The following SEC14L5 variants were observed in gnomAD, a reference collection of about 807,000 sequenced individuals.
SEC14L5 encodes SEC14 like lipid binding 5, also known as SEC14-like protein 5.
SEC14L5 carries 96 observed loss-of-function variants against 84.6 expected under a neutral mutation model. The ratio of observed to expected loss-of-function variants is 1.13; its 90% CI spans 0.96 to 1.34. SEC14L5 has a LOEUF of 1.34. SEC14L5 is among the 40% of genes most tolerant of loss of function. The pLI is 0.00. For synonymous variants in SEC14L5, 546 were observed against 383.4 expected (o/e 1.42, Z -4.95); for missense variants, 1,224 against 942.5 (o/e 1.30, Z -3.91).
intron 6 of SEC14L5, 134 bp from the exon 7 acceptor site, chr16:4,996,214 G>T (rs913646478): frequency 8.4e-6 from 5 of 597,314 alleles, no homozygotes; most frequent in African/African-American, 5.6e-5. Context: ...CTGCTGTCTG[G>T]GGCGGGGGCT....
In SEC14L5 at chr16:5,016,240, G is replaced by A. The variant is rs1955873910; in HGVS notation, c.*1270G>A. On this transcript the variant is annotated 3_prime_UTR_variant, in exon 16 of 16. Transcript: ENST00000251170. ...GTTCCCCTAGTTACTACACAGGAGC[G>A]TCTTGGGTCTCCTTGGGGCCTGAGG... is the stretch of plus-strand genomic sequence containing the variant. 1 of 152,142 alleles carries A rather than the reference G, an allele frequency of 6.6e-6. No individual in the cohort carries two copies. The highest frequency in any genetic ancestry group is 6.5e-5 in the Admixed American group (1 of 15,272). 9.4% of individuals were successfully genotyped at this position (152,142 alleles called of 1,614,324 possible). A position where few individuals can be genotyped will look rare whatever the true frequency, so the allele number is the denominator to read the frequency against.
intron 2 of SEC14L5, among the ~76,000 whole-genome samples, chr16:4,960,343 A>C (rs1955107684): frequency 6.6e-6 from 1 of 152,284 alleles, no homozygotes; most frequent in South Asian, 2.1e-4. Context: ...GAAGTCTTGT[A>C]AATTAATGTA....
At chr16:4,967,986 C>G (rs886821848) in intron 2 of SEC14L5, among the ~76,000 whole-genome samples, 1 of 136,888 alleles carries the variant, frequency 7.3e-6, no homozygotes, top group Non-Finnish European at 1.6e-5. Flanking sequence ...CCTCCCCTCT[C>G]CTTCCCTTCC....
chr16:4,963,386 T>C (rs1955153174), intron 2 of SEC14L5, among the ~76,000 whole-genome samples: 2 of 152,116 alleles, frequency 1.3e-5, no homozygotes, highest in African/African-American at 4.8e-5. Context: ...CGCTTTGTCA[T>C]CTAGGTTGGA....
intron 15 of SEC14L5, 148 bp downstream of exon 15, chr16:5,011,421 CAGCCCCGCACT>C (rs1955802341): frequency 2.8e-6 from 2 of 725,226 alleles, no homozygotes; most frequent in Admixed American, 2.7e-5. Context: ...TCAGGTGACA[CAGCCCCGCACT>C]AGGGTGTGAG....
At chr16:4,986,906 A>C (rs1362463794) in intron 2 of SEC14L5, among the ~76,000 whole-genome samples, 2 of 152,152 alleles carry the variant, frequency 1.3e-5, no homozygotes, top group Non-Finnish European at 2.9e-5. Context: ...CTCATTGATT[A>C]GTTCTAATCT....
chr16:4,971,194 C>T (rs910027277), intron 2 of SEC14L5, among the ~76,000 whole-genome samples: 5 of 152,032 alleles, frequency 3.3e-5, no homozygotes, highest in African/African-American at 7.2e-5. Context: ...CGGTGGCTTA[C>T]GCCTATAATC....
At chr16:4,959,231 C>T (rs78937023) in intron 1 of SEC14L5, 42 bp from the exon 2 acceptor site, 83,052 of 953,222 alleles carry the variant, frequency 0.087, 4,216 homozygotes, top group Middle Eastern at 0.12. Flanking sequence ...CCCTGCTTCC[C>T]GAGGTGGGAG....
At chr16:5,010,460 G>A (rs1955787181) in intron 14 of SEC14L5, among the ~76,000 whole-genome samples, 1 of 152,146 alleles carries the variant, frequency 6.6e-6, no homozygotes, top group Non-Finnish European at 1.5e-5. Flanking sequence ...CCAGGAGGCT[G>A]GCATTGCAGG....
At chr16:4,968,133 C>G (rs933663584) in intron 2 of SEC14L5, among the ~76,000 whole-genome samples, 1 of 151,648 alleles carries the variant, frequency 6.6e-6, no homozygotes, top group Non-Finnish European at 1.5e-5. Flanking sequence ...GATTCTCCCA[C>G]CTCAGCCTTC....
At chr16:4,959,466 C>T (rs1365784556) in intron 2 of SEC14L5, 80 bp downstream of exon 2, 3 of 1,161,320 alleles carry the variant, frequency 2.6e-6, no homozygotes, top group African/African-American at 1.5e-5. Flanking sequence ...GAAGACGGAG[C>T]TCCTTAGACT....
At chr16:5,010,518 C>T (rs1955787849) in intron 14 of SEC14L5, among the ~76,000 whole-genome samples, 1 of 152,158 alleles carries the variant, frequency 6.6e-6, no homozygotes, top group African/African-American at 2.4e-5. Context: ...ACACACGCAG[C>T]ACCAGCTCCA....
chr16:4,982,429 A>G (rs755085325), intron 2 of SEC14L5, among the ~76,000 whole-genome samples: 87 of 152,232 alleles, frequency 5.7e-4, no homozygotes, highest in Non-Finnish European at 9.7e-4. Flanking sequence ...CCCTTCTAGA[A>G]CTGGGCACGG....
intron 2 of SEC14L5, among the ~76,000 whole-genome samples, chr16:4,975,208 C>T (rs1955325949): frequency 6.6e-6 from 1 of 152,072 alleles, no homozygotes; most frequent in African/African-American, 2.4e-5. Flanking sequence ...ATTATTTTGT[C>T]ACGCCTGTAA....
In SEC14L5 at chr16:4,992,107, AT is replaced by A. The variant is rs1596631232; in HGVS notation, c.667+78del. 3 of 1,072,784 alleles carry A rather than the reference AT, an allele frequency of 2.8e-6. No individual in the cohort carries two copies. The East Asian group carries it at 8.2e-5, about 29-fold the overall frequency. The allele number at this position is 1,072,784 out of a possible 1,614,324, so 66.5% of individuals were successfully genotyped here. On this transcript the variant is annotated intron_variant, in intron 6 of 15. Coordinates refer to ENST00000251170, the MANE Select transcript of SEC14L5 (RefSeq NM_014692.2). Reference sequence around the variant, plus strand: ...CTTGCTCCATGGGGGGCCCTGGGGCATGTTGGGGAGAATTGCCTGCCGTCCC... The same window carrying A: ...CTTGCTCCATGGGGGGCCCTGGGGCAGTTGGGGAGAATTGCCTGCCGTCCC...
intron 4 of SEC14L5, among the ~76,000 whole-genome samples, chr16:4,989,709 G>A (rs947474138): frequency 2.6e-5 from 4 of 152,182 alleles, no homozygotes; most frequent in Non-Finnish European, 5.9e-5. Context: ...TGGGCTCAGG[G>A]TGTTCAGATC....
At chr16:5,008,334 C>T in intron 13 of SEC14L5, 87 bp from the exon 14 acceptor site, 2 of 931,884 alleles carry the variant, frequency 2.1e-6, no homozygotes, top group Non-Finnish European at 3.4e-6. Flanking sequence ...CCCCAGGGGG[C>T]ACCCACAGCC....
chr16:5,000,575 C>T (rs540241210), intron 8 of SEC14L5, 80 bp from the exon 9 acceptor site: 16 of 1,089,822 alleles, frequency 1.5e-5, no homozygotes, highest in Middle Eastern at 2.1e-4. Flanking sequence ...GTGAAGCTCT[C>T]ACCTGCAGCT....
Position 5,000,737 on chromosome 16 carries a change from G to A in SEC14L5, c.1053G>A (p.Leu351=), listed in dbSNP as rs1226155600. 3.2e-6 allele frequency: 5 copies of A among 1,552,980 alleles called. No individual in the cohort carries two copies. In the South Asian group the frequency reaches 5.9e-5, roughly 18 times the overall value. Residue 351 remains leucine, a synonymous_variant, in exon 9 of 16, where the codon CTG becomes CTA. Transcript: ENST00000251170. The part of the protein sequence containing the change: ...LMKAVGEEAL[L]RHVLSVNEEG... The stretch of plus-strand genomic sequence containing the variant: ...AGGCCGTGGGGGAGGAGGCGCTGCT[G>A]CGGCATGTGAGTCAGGGGCCTCGTT...
Sources: allele counts gnomAD v4.1 joint callset (sites outside exome capture counted in the v4.1 genomes callset), GRCh38; gene constraint gnomAD v4.1.1; transcripts MANE v1.5; gene names NCBI Gene and HGNC (gene_info 2026-07-23, HGNC 2026-07-21).